The following NRP1 variants were observed in gnomAD, a reference collection of about 807,000 sequenced individuals.
NRP1 encodes the protein neuropilin-1.
A neutral mutation model predicts 106.7 loss-of-function variants in NRP1; 35 were observed. The ratio of observed to expected loss-of-function variants is 0.33; its 90% confidence interval spans 0.25 to 0.43. NRP1 has a LOEUF of 0.43. Among genes scored for constraint, NRP1 ranks in the 20% least tolerant of loss-of-function variants. The pLI, the probability that NRP1 is intolerant of heterozygous loss-of-function variation, is 1.00. For synonymous variants in NRP1, 437 were observed against 417.9 expected (o/e 1.05, Z -0.56); for missense variants, 1,024 against 1,170.4 (o/e 0.87, Z 1.83).
chr10:33,252,769 G>A (rs1047173373), intron 6 of NRP1, among the ~76,000 whole-genome samples: 12 of 152,058 alleles, frequency 7.9e-5, no homozygotes, highest in African/African-American at 2.7e-4. Flanking sequence ...TCTTAATCTA[G>A]AGATGGATTC....
chr10:33,242,757 T>TG, intron 6 of NRP1, among the ~76,000 whole-genome samples: 1 of 152,344 alleles, frequency 6.6e-6, no homozygotes, highest in African/African-American at 2.4e-5. Context: ...ACCTGGGTCT[T>TG]GGTCTTTTAT....
At chr10:33,236,967 C>CT (rs1242632979) in intron 6 of NRP1, among the ~76,000 whole-genome samples, 3 of 151,838 alleles carry the variant, frequency 2.0e-5, no homozygotes, top group Non-Finnish European at 4.4e-5. Context: ...CAATTAAGAC[C>CT]TTTTTTTTCT....
intron 5 of NRP1, among the ~76,000 whole-genome samples, chr10:33,254,723 C>T (rs776031315): frequency 1.3e-5 from 2 of 152,164 alleles, no homozygotes; most frequent in Non-Finnish European, 2.9e-5. Context: ...TGTTCTTATG[C>T]CCCACCTCTG....
chr10:33,274,265 T>C (rs140837598), intron 2 of NRP1, among the ~76,000 whole-genome samples: 64 of 152,290 alleles, frequency 4.2e-4, no homozygotes, highest in Middle Eastern at 3.4e-3. Flanking sequence ...TAAAAGCCTA[T>C]TGGCTCCATT....
intron 6 of NRP1, among the ~76,000 whole-genome samples, chr10:33,240,634 T>G (rs1840938291): frequency 1.3e-5 from 2 of 152,302 alleles, no homozygotes; most frequent in South Asian, 4.1e-4. Flanking sequence ...TTCCCAGTGA[T>G]CTAGGTGGGC....
intron 4 of NRP1, among the ~76,000 whole-genome samples, chr10:33,260,575 A>ACCAACAATT (rs1440664530): frequency 3.9e-5 from 6 of 152,174 alleles, no homozygotes; most frequent in Admixed American, 1.3e-4. Context: ...ATCATCCAGC[A>ACCAACAATT]CCAACACTTC....
At chr10:33,279,233 A>G (rs534776204) in intron 2 of NRP1, among the ~76,000 whole-genome samples, 3 of 152,346 alleles carry the variant, frequency 2.0e-5, no homozygotes, top group Admixed American at 6.5e-5. Context: ...TCACAGGTCT[A>G]CAGGTCAGAA....
At chr10:33,191,642 T>G (rs1836420395) in intron 13 of NRP1, among the ~76,000 whole-genome samples, 1 of 152,156 alleles carries the variant, frequency 6.6e-6, no homozygotes, top group South Asian at 2.1e-4. Flanking sequence ...CTTTTCCATT[T>G]GTGAATATGT....
chr10:33,193,066 G>A (rs1312993674), intron 12 of NRP1, among the ~76,000 whole-genome samples: 12 of 151,586 alleles, frequency 7.9e-5, no homozygotes, highest in African/African-American at 2.7e-4. Context: ...TTGTTCACCC[G>A]GCTTAAAACC....
At chr10:33,214,947 T>C (rs139989001) in intron 8 of NRP1, among the ~76,000 whole-genome samples, 1 of 152,336 alleles carries the variant, frequency 6.6e-6, no homozygotes, top group Admixed American at 6.5e-5. Flanking sequence ...CACTTAAAAA[T>C]GTACAATGAT....
intron 7 of NRP1, among the ~76,000 whole-genome samples, chr10:33,225,711 A>G (rs776287452): frequency 3.3e-5 from 5 of 152,250 alleles, no homozygotes; most frequent in Non-Finnish European, 7.3e-5. Flanking sequence ...TTTGTGAGCC[A>G]CAGTAGATAG....
chr10:33,319,924 C>T (rs906973832), intron 2 of NRP1, among the ~76,000 whole-genome samples: 5 of 152,030 alleles, frequency 3.3e-5, no homozygotes, highest in East Asian at 3.9e-4. Context: ...ACTCTCACTG[C>T]GAAAGTCCCC....
intron 6 of NRP1, among the ~76,000 whole-genome samples, chr10:33,229,222 CA>C (rs1839914077): frequency 6.6e-6 from 1 of 152,166 alleles, no homozygotes; most frequent in Non-Finnish European, 1.5e-5. Context: ...TGTTATCTGA[CA>C]ACCCTAAATC....
intron 10 of NRP1, among the ~76,000 whole-genome samples, chr10:33,203,897 C>T (rs1418337001): frequency 1.0e-5 from 1 of 99,770 alleles, no homozygotes; most frequent in Non-Finnish European, 2.3e-5. Flanking sequence ...CCCGCCACCG[C>T]GCCCGGCTAA....
chr10:33,328,170 G>A (rs2132946819), intron 2 of NRP1, among the ~76,000 whole-genome samples: 1 of 152,036 alleles, frequency 6.6e-6, no homozygotes, highest in African/African-American at 2.4e-5. Flanking sequence ...GTCATTTTCT[G>A]TGAATTACAA....
At position 33,218,342 on chromosome 10, in the gene NRP1, CT is replaced by C. The variant is rs776116595; in HGVS notation, c.1282+3376del. On this transcript the variant is annotated intron_variant, in intron 8 of 16. Coordinates refer to ENST00000374867, the MANE Select transcript of NRP1 (RefSeq NM_003873.7). ...GGATTACTATATTTCTTTTTTCTTT[CT>C]TTTTTTTTTTTTTGAGATGGAATCT... 4.5e-3 allele frequency among the ~76,000 whole-genome samples: 336 copies of C among 75,502 alleles called. 1 individual carries two copies. The highest frequency in any genetic ancestry group is 6.0e-3 in the Admixed American group (34 of 5,636). 49.5% of individuals were successfully genotyped at this position (75,502 alleles called of 152,430 possible). A position where few individuals can be genotyped will look rare whatever the true frequency, so the allele number is the denominator to read the frequency against.
At chr10:33,301,751 A>G (rs906203761) in intron 2 of NRP1, among the ~76,000 whole-genome samples, 2 of 152,148 alleles carry the variant, frequency 1.3e-5, no homozygotes, top group Non-Finnish European at 2.9e-5. Flanking sequence ...AAGAAAAAAA[A>G]GTTTTTGGAG....
intron 6 of NRP1, among the ~76,000 whole-genome samples, chr10:33,230,791 G>C (rs1187890315): frequency 6.6e-6 from 1 of 152,062 alleles, no homozygotes; most frequent in African/African-American, 2.4e-5. Flanking sequence ...TTTCTTTTCT[G>C]TAAGGCTTCT....
intron 13 of NRP1, among the ~76,000 whole-genome samples, chr10:33,188,098 T>C (rs1276166234): frequency 6.6e-6 from 1 of 152,162 alleles, no homozygotes; most frequent in African/African-American, 2.4e-5. Flanking sequence ...TTTATCAAGA[T>C]GTGATTACTT....
Sources: gnomAD v4.1 joint callset for allele counts (sites outside exome capture counted in the v4.1 genomes callset) on GRCh38, gnomAD v4.1.1 for gene constraint, MANE v1.5 for transcripts, NCBI Gene and HGNC (gene_info 2026-07-23, HGNC 2026-07-21) for gene names.